Variants in RALY observed in about 807,000 individuals in gnomAD.
RALY encodes the protein RALY heterogeneous nuclear ribonucleoprotein, also known as RNA-binding protein Raly.
Under a neutral mutation model 30.7 loss-of-function variants are expected in RALY, and 15 were observed. The observed-to-expected ratio is 0.49, with a 90% CI of 0.33 to 0.75. RALY has a LOEUF of 0.75. RALY is among the 30% of genes least tolerant of loss of function. RALY has a pLI of 0.02. For missense variants in RALY, 339 were observed against 414.3 expected (o/e 0.82, Z 1.58); for synonymous variants, 177 against 170.8 (o/e 1.04, Z -0.28).
chr20:34,074,326 G>A (rs1260240901), intron 5 of RALY, among the ~76,000 whole-genome samples: 2 of 152,156 alleles, frequency 1.3e-5, no homozygotes, highest in Non-Finnish European at 2.9e-5. Flanking sequence ...ATTAGTCCCT[G>A]GCGGGCTGTG....
In RALY at chr20:34,072,060, C is replaced by T; in HGVS notation, c.-9-6C>T. On this transcript the variant is annotated splice_polypyrimidine_tract_variant and splice_region_variant and intron_variant, in intron 2 of 9. Coordinates refer to ENST00000246194, the MANE Select transcript of RALY (RefSeq NM_016732.3). ...ACCCAGCTTCACCGAGGCTCTTTTT[C>T]TTCAGGTGGGCACCATGTCCTTGAA... is the stretch of plus-strand genomic sequence containing the variant. The T allele has an allele frequency of 6.2e-7, 1 of 1,611,108 alleles. No homozygotes were observed. The highest frequency in any genetic ancestry group is 8.5e-7 in the Non-Finnish European group (1 of 1,178,154).
chr20:34,000,579 G>C (rs1005733952), intron 1 of RALY, among the ~76,000 whole-genome samples: 1 of 152,148 alleles, frequency 6.6e-6, no homozygotes, highest in Non-Finnish European at 1.5e-5. Flanking sequence ...TACCTCCTGG[G>C]AGGAAGGAAG....
intron 2 of RALY, among the ~76,000 whole-genome samples, chr20:34,034,819 G>A (rs1410296990): frequency 6.6e-6 from 1 of 152,174 alleles, no homozygotes; most frequent in Non-Finnish European, 1.5e-5. Context: ...GGTGAGAGCT[G>A]AAAGCTGACT....
chr20:34,025,281 C>G (rs1326267977), intron 1 of RALY, among the ~76,000 whole-genome samples: 3 of 151,222 alleles, frequency 2.0e-5, no homozygotes, highest in Non-Finnish European at 4.4e-5. Flanking sequence ...GAAGATAACC[C>G]TTCAGCAACA....
intron 1 of RALY, chr20:34,030,010 G>A (rs984773457): frequency 5.9e-5 from 9 of 152,234 alleles, no homozygotes; most frequent in South Asian, 4.1e-4. Context: ...GGAACCACCT[G>A]GCTGAAGGAC....
At chr20:34,076,837 C>A (rs1323950376) in intron 7 of RALY, 22 bp downstream of exon 7, 1 of 1,610,880 alleles carries the variant, frequency 6.2e-7, no homozygotes, top group Non-Finnish European at 8.5e-7. Flanking sequence ...AGGATTCTCA[C>A]CCACCTCCAT....
At chr20:34,012,304 G>T (rs1191356144) in intron 1 of RALY, among the ~76,000 whole-genome samples, 3 of 152,122 alleles carry the variant, frequency 2.0e-5, no homozygotes, top group Admixed American at 1.3e-4. Flanking sequence ...GCCTCTTCTT[G>T]GTGCAAAGGG....
At chr20:34,051,127 C>T (rs2033064606) in intron 2 of RALY, among the ~76,000 whole-genome samples, 1 of 152,218 alleles carries the variant, frequency 6.6e-6, no homozygotes, top group Non-Finnish European at 1.5e-5. Flanking sequence ...CTAATATTCA[C>T]ATCTTTATAT....
intron 2 of RALY, among the ~76,000 whole-genome samples, chr20:34,035,513 C>T (rs2032461762): frequency 6.6e-6 from 1 of 152,000 alleles, no homozygotes; most frequent in African/African-American, 2.4e-5. Flanking sequence ...AATCTGGCTT[C>T]AGAAAACCAA....
chr20:34,035,179 A>AAAAC (rs2032445588), intron 2 of RALY, among the ~76,000 whole-genome samples: 7 of 144,870 alleles, frequency 4.8e-5, no homozygotes, highest in African/African-American at 1.9e-4. Context: ...AAAAAAAAAA[A>AAAAC]AAAAAAAACA....
At chr20:34,015,267 C>G (rs1316691232) in intron 1 of RALY, among the ~76,000 whole-genome samples, 1 of 152,074 alleles carries the variant, frequency 6.6e-6, no homozygotes, top group Non-Finnish European at 1.5e-5. Flanking sequence ...CCTATTCTTT[C>G]CTTCCCTTCT....
At chr20:34,026,472 G>A (rs546741936) in intron 1 of RALY, among the ~76,000 whole-genome samples, 179 of 151,402 alleles carry the variant, frequency 1.2e-3, no homozygotes, top group African/African-American at 4.1e-3. Context: ...GCGTGTTCTC[G>A]GCTCACTGCA....
At chr20:34,058,468 C>T (rs542730412) in intron 2 of RALY, among the ~76,000 whole-genome samples, 83 of 150,722 alleles carry the variant, frequency 5.5e-4, no homozygotes, top group Non-Finnish European at 1.0e-3. Flanking sequence ...CTGAAAGGAA[C>T]GGTTCACCTG....
chr20:34,003,304 G>A (rs570306246), intron 1 of RALY, among the ~76,000 whole-genome samples: 5 of 152,038 alleles, frequency 3.3e-5, no homozygotes, highest in Non-Finnish European at 7.4e-5. Context: ...TCCTCACAAT[G>A]GTATTGTGAG....
Position 34,059,083 on chromosome 20 carries a change from C to T in RALY, c.-9-12983C>T, listed in dbSNP as rs181707045. On this transcript the variant is annotated intron_variant, in intron 2 of 9. Coordinates refer to ENST00000246194, the MANE Select transcript of RALY (RefSeq NM_016732.3). ...CACTGTGGGAGATGATGCTTAGAGCCCTAAGTTATGTTTGGATCAGCACCC... is the reference window on the plus strand; with the variant it reads ...CACTGTGGGAGATGATGCTTAGAGCTCTAAGTTATGTTTGGATCAGCACCC... 7.0e-4 allele frequency among the ~76,000 whole-genome samples: 106 copies of T among 152,104 alleles called. 1 individual carries two copies. Among genetic ancestry groups the T allele is most frequent in the Non-Finnish European group, 1.3e-4 (9 of 67,970 alleles).
intron 1 of RALY, among the ~76,000 whole-genome samples, chr20:34,020,298 A>G (rs2031772052): frequency 6.6e-6 from 1 of 152,196 alleles, no homozygotes; most frequent in Admixed American, 6.5e-5. Flanking sequence ...TCATTGGCAA[A>G]GACTTCTCCC....
intron 1 of RALY, among the ~76,000 whole-genome samples, chr20:34,004,953 T>C (rs2031093392): frequency 6.6e-6 from 1 of 152,224 alleles, no homozygotes; most frequent in Non-Finnish European, 1.5e-5. Flanking sequence ...GGCATGAACA[T>C]TGATCATGTC....
intron 1 of RALY, among the ~76,000 whole-genome samples, chr20:34,019,094 G>A (rs143680331): frequency 0.024 from 3,649 of 152,206 alleles, 59 homozygotes; most frequent in Non-Finnish European, 0.032. Flanking sequence ...AGGTCGAGGC[G>A]GGTGGATCAC....
chr20:34,057,328 A>G (rs2033276026), intron 2 of RALY, among the ~76,000 whole-genome samples: 1 of 152,206 alleles, frequency 6.6e-6, no homozygotes, highest in Non-Finnish European at 1.5e-5. Context: ...AACATACTCA[A>G]TATAATAGCA....
Sources: gnomAD v4.1 joint callset for allele counts (sites outside exome capture counted in the v4.1 genomes callset) on GRCh38, gnomAD v4.1.1 for gene constraint, MANE v1.5 for transcripts, NCBI Gene and HGNC (gene_info 2026-07-23, HGNC 2026-07-21) for gene names.